CFAP61: variants seen among roughly 807,000 people sequenced by gnomAD.
The protein encoded by CFAP61 is cilia and flagella associated protein 61.
In CFAP61, 107 loss-of-function variants were observed where a neutral mutation model predicts 135.6. The ratio of observed to expected loss-of-function variants is 0.79; its 90% CI spans 0.67 to 0.93. The LOEUF (loss-of-function observed/expected upper bound fraction) is 0.93, where lower values mean the gene tolerates loss of function less well. Ranked by LOEUF, CFAP61 falls within the 40% of genes least tolerant of loss-of-function variation. The pLI is 0.00. For synonymous variants in CFAP61, 575 were observed against 578.5 expected, an observed-to-expected ratio of 0.99 and a Z score of 0.09; for missense variants, 1,507 against 1,556.2, an observed-to-expected ratio of 0.97 and a Z score of 0.53.
chr20:20,099,971 G>A (rs1042952229), intron 8 of CFAP61, among the ~76,000 whole-genome samples: 47 of 152,166 alleles, frequency 3.1e-4, no homozygotes, highest in African/African-American at 1.1e-3. Flanking sequence ...TCCCTTTTGT[G>A]CTGATGATAA....
At chr20:20,338,518 G>A (rs143059248) in intron 25 of CFAP61, among the ~76,000 whole-genome samples, 192 of 152,308 alleles carry the variant, frequency 1.3e-3, no homozygotes, top group Non-Finnish European at 2.2e-3. Flanking sequence ...TTGCCACCTG[G>A]TGCATAGTTG....
At chr20:20,252,183 G>A (rs1249376412) in intron 20 of CFAP61, among the ~76,000 whole-genome samples, 1 of 152,142 alleles carries the variant, frequency 6.6e-6, no homozygotes, top group Non-Finnish European at 1.5e-5. Flanking sequence ...TGCACCTTCT[G>A]TCGACCCTTA....
intron 2 of CFAP61, among the ~76,000 whole-genome samples, chr20:20,061,691 C>A (rs1295065759): frequency 6.6e-6 from 1 of 152,196 alleles, no homozygotes; most frequent in Non-Finnish European, 1.5e-5. Context: ...AGGTAGAGCA[C>A]TGGAGACTCT....
intron 18 of CFAP61, among the ~76,000 whole-genome samples, chr20:20,244,246 C>G (rs1387724486): frequency 6.6e-6 from 1 of 152,216 alleles, no homozygotes; most frequent in Non-Finnish European, 1.5e-5. Flanking sequence ...AGTAGGGACT[C>G]TGTGTGGGCG....
intron 21 of CFAP61, among the ~76,000 whole-genome samples, chr20:20,270,872 A>G (rs902624309): frequency 6.6e-6 from 1 of 152,116 alleles, no homozygotes; most frequent in Non-Finnish European, 1.5e-5. Flanking sequence ...GGGTTTCACC[A>G]TTTTGGTCAG....
At chr20:20,193,660 C>G (rs1233758193) in intron 15 of CFAP61, among the ~76,000 whole-genome samples, 1 of 152,084 alleles carries the variant, frequency 6.6e-6, no homozygotes, top group African/African-American at 2.4e-5. Flanking sequence ...ATCCCCTAGG[C>G]TGGAGTTCAG....
intron 8 of CFAP61, among the ~76,000 whole-genome samples, chr20:20,106,035 T>A (rs1310217290): frequency 3.1e-5 from 2 of 63,690 alleles, no homozygotes; most frequent in African/African-American, 7.9e-5. Flanking sequence ...TATATATATA[T>A]ATATATATAT....
chr20:20,066,666 A>C (rs530451565), intron 2 of CFAP61, among the ~76,000 whole-genome samples: 14 of 151,764 alleles, frequency 9.2e-5, no homozygotes, highest in African/African-American at 3.1e-4. Flanking sequence ...ATCACGCACC[A>C]GGGCCTGTCG....
intron 8 of CFAP61, among the ~76,000 whole-genome samples, chr20:20,108,289 T>G (rs1406689554): frequency 1.3e-5 from 2 of 152,124 alleles, no homozygotes; most frequent in Non-Finnish European, 2.9e-5. Flanking sequence ...CTATAGCAAA[T>G]TTGAGGAAAT....
At chr20:20,355,763 T>C (rs1162929402) in intron 26 of CFAP61, among the ~76,000 whole-genome samples, 4 of 117,618 alleles carry the variant, frequency 3.4e-5, no homozygotes, top group Non-Finnish European at 5.1e-5. Context: ...TGAGCAGAGA[T>C]GGTCACACTG....
intron 26 of CFAP61, among the ~76,000 whole-genome samples, chr20:20,342,509 A>G (rs1360600038): frequency 6.6e-6 from 1 of 152,234 alleles, no homozygotes; most frequent in African/African-American, 2.4e-5. Context: ...TCAATATGAG[A>G]ATCTCTAGCA....
intron 12 of CFAP61, among the ~76,000 whole-genome samples, chr20:20,168,072 A>G (rs914697028): frequency 6.6e-6 from 1 of 152,190 alleles, no homozygotes; most frequent in African/African-American, 2.4e-5. Flanking sequence ...CTTTTATTTA[A>G]CTTAATATGC....
chr20:20,075,491 T>C lies in CFAP61; in HGVS notation c.442T>C (p.Ser148Pro). 6.2e-7 allele frequency: 1 copy of C among 1,614,110 alleles called. No homozygotes were observed. The highest frequency in any genetic ancestry group is 8.5e-7 in the Non-Finnish European group (1 of 1,179,930). The change falls in exon 6 of 27, where the codon TCA becomes CCA. Residue 148 changes from serine to proline, a missense_variant and splice_region_variant. Physicochemically the swap from Ser to Pro is moderately conservative, Grantham distance 74. Coordinates refer to ENST00000245957, the MANE Select transcript of CFAP61 (RefSeq NM_015585.4). The part of the protein sequence containing the change: ...LIVPSYMSLG[S>P]TLITVFDQVG... ...GTTTCTTTATCTCTGTGATTTAGGC[T>C]CAACTCTCATAACTGTTTTTGACCA... is the stretch of plus-strand genomic sequence containing the variant.
At chr20:20,226,848 C>T (rs2048771664) in intron 17 of CFAP61, among the ~76,000 whole-genome samples, 1 of 152,188 alleles carries the variant, frequency 6.6e-6, no homozygotes, top group South Asian at 2.1e-4. Context: ...CAGAGTCCCT[C>T]TTGAAAATGG....
intron 25 of CFAP61, among the ~76,000 whole-genome samples, chr20:20,306,288 T>C (rs1453221555): frequency 6.6e-6 from 1 of 152,202 alleles, no homozygotes; most frequent in Non-Finnish European, 1.5e-5. Flanking sequence ...AATGAACACA[T>C]GGAGTTCTGC....
intron 2 of CFAP61, among the ~76,000 whole-genome samples, chr20:20,062,456 C>T (rs552790624): frequency 6.6e-6 from 1 of 152,200 alleles, no homozygotes; most frequent in African/African-American, 2.4e-5. Flanking sequence ...TCAGAGTTTA[C>T]CTCTAAGAGC....
At position 20,327,282 on chromosome 20, in the gene CFAP61, A is replaced by G. The variant is rs142730910; in HGVS notation, c.3423-14549A>G. Among the ~76,000 whole-genome samples, 310 of 152,266 alleles carry G rather than the reference A, an allele frequency of 2.0e-3. 2 individuals are homozygous for G. The East Asian group carries it at 0.023, about 11-fold the overall frequency. ...TATTGAATTGCCTGGAATTACATGT[A>G]CAATATTAAATGGTAGTGGAGATAG... is the stretch of plus-strand genomic sequence containing the variant. On this transcript the variant is annotated intron_variant, in intron 25 of 26. Transcript: ENST00000245957.
intron 6 of CFAP61, among the ~76,000 whole-genome samples, chr20:20,087,385 G>C (rs887324398): frequency 6.6e-6 from 1 of 152,150 alleles, no homozygotes; most frequent in Non-Finnish European, 1.5e-5. Context: ...AAAACATGCA[G>C]TATTTGTTTT....
intron 22 of CFAP61, among the ~76,000 whole-genome samples, chr20:20,283,846 C>T (rs960831210): frequency 6.6e-6 from 1 of 152,144 alleles, no homozygotes; most frequent in African/African-American, 2.4e-5. Context: ...ATGTCAAATT[C>T]CCTTCATATT....
Sources: gnomAD v4.1 joint callset for allele counts (sites outside exome capture counted in the v4.1 genomes callset) on GRCh38, gnomAD v4.1.1 for gene constraint, MANE v1.5 for transcripts, NCBI Gene and HGNC (gene_info 2026-07-23, HGNC 2026-07-21) for gene names.